The following GPHN variants were observed in gnomAD, a reference collection of about 807,000 sequenced individuals.
GPHN encodes gephyrin.
GPHN carries 17 observed loss-of-function variants against 95.5 expected under a neutral mutation model. The observed-to-expected ratio is 0.18, with a 90% CI of 0.12 to 0.27. The LOEUF is 0.27. GPHN is among the 10% of genes least tolerant of loss of function. GPHN has a pLI of 1.00. For synonymous variants in GPHN, 320 were observed against 322.5 expected, an observed-to-expected ratio of 0.99 and a Z score of 0.08; for missense variants, 660 against 978.1, an observed-to-expected ratio of 0.67 and a Z score of 4.34.
the GPHN span, among the ~76,000 whole-genome samples, chr14:67,686,844 C>G: frequency 2.0e-5 from 3 of 152,096 alleles, no homozygotes; most frequent in Non-Finnish European, 4.4e-5. Context: ...AAATGTTTTG[C>G]TGCCAAATGA....
At chr14:66,539,217 G>T (rs141431513) in intron 1 of GPHN, among the ~76,000 whole-genome samples, 1 of 151,306 alleles carries the variant, frequency 6.6e-6, no homozygotes, top group Non-Finnish European at 1.5e-5. Flanking sequence ...TTTGCGGTTT[G>T]TCCCCTGTTT....
intron 2 of GPHN, among the ~76,000 whole-genome samples, chr14:66,700,300 A>G (rs528190764): frequency 6.6e-6 from 1 of 152,310 alleles, no homozygotes; most frequent in South Asian, 2.1e-4. Context: ...AATTTAACGA[A>G]TATTTTATTT....
intron 17 of GPHN, among the ~76,000 whole-genome samples, chr14:67,134,625 A>C (rs1237306258): frequency 2.0e-5 from 3 of 152,214 alleles, no homozygotes; most frequent in Non-Finnish European, 4.4e-5. Flanking sequence ...GGAAGTCTGG[A>C]TGAAATGAGA....
chr14:66,768,100 A>G (rs1216748890), intron 2 of GPHN, among the ~76,000 whole-genome samples: 1 of 151,978 alleles, frequency 6.6e-6, no homozygotes. Context: ...AATCAAATTT[A>G]TGAGGAAGAT....
the GPHN span, among the ~76,000 whole-genome samples, chr14:67,461,859 T>C: frequency 6.6e-6 from 1 of 152,326 alleles, no homozygotes; most frequent in East Asian, 1.9e-4. Flanking sequence ...CATTTTGTTT[T>C]TATTTCTGAA....
chr14:67,301,549 A>G, the GPHN span: 1 of 856,692 alleles, frequency 1.2e-6, no homozygotes, highest in South Asian at 2.2e-5. Flanking sequence ...GTACTGGAAG[A>G]GATGTCAAAC....
At chr14:67,600,386 C>G in the GPHN span, 2 of 548,454 alleles carry the variant, frequency 3.6e-6, no homozygotes, top group South Asian at 2.4e-5. Flanking sequence ...TCTTCCGGGC[C>G]GGCCTTGACT....
At chr14:67,102,830 T>C (rs1173433214) in intron 13 of GPHN, among the ~76,000 whole-genome samples, 1 of 152,172 alleles carries the variant, frequency 6.6e-6, no homozygotes, top group Non-Finnish European at 1.5e-5. Context: ...ATGATGCCAA[T>C]GGTGTTGACA....
At chr14:67,705,770 G>A in the GPHN span, among the ~76,000 whole-genome samples, 1 of 152,234 alleles carries the variant, frequency 6.6e-6, no homozygotes, top group South Asian at 2.1e-4. Context: ...TTCAAAATAA[G>A]ATGTTTTAAA....
chr14:67,099,361 T>G (rs1210288287), intron 12 of GPHN, among the ~76,000 whole-genome samples: 1 of 152,054 alleles, frequency 6.6e-6, no homozygotes, highest in Non-Finnish European at 1.5e-5. Context: ...ACCTCAGGTA[T>G]CTGCCCGCCC....
intron 3 of GPHN, among the ~76,000 whole-genome samples, chr14:66,822,216 C>A (rs910939241): frequency 6.6e-6 from 1 of 152,220 alleles, no homozygotes; most frequent in African/African-American, 2.4e-5. Flanking sequence ...TCCCAAAGTG[C>A]TGGGATTACA....
the GPHN span, chr14:67,674,763 G>A: frequency 9.4e-6 from 3 of 320,842 alleles, no homozygotes; most frequent in Non-Finnish European, 1.7e-5. Context: ...GTGCCGCGCC[G>A]GGGCGATCGG....
At chr14:67,074,231 T>C (rs1263847217) in intron 11 of GPHN, among the ~76,000 whole-genome samples, 2 of 151,942 alleles carry the variant, frequency 1.3e-5, no homozygotes, top group African/African-American at 4.8e-5. Flanking sequence ...CAGTCCTACA[T>C]TGAGCAAGTC....
At chr14:67,420,526 A>G in the GPHN span, among the ~76,000 whole-genome samples, 1 of 152,184 alleles carries the variant, frequency 6.6e-6, no homozygotes, top group East Asian at 1.9e-4. Context: ...AAACTGCCCT[A>G]ATCAGAAATT....
At chr14:67,482,797 A>G in the GPHN span, among the ~76,000 whole-genome samples, 2 of 152,112 alleles carry the variant, frequency 1.3e-5, no homozygotes, top group Non-Finnish European at 2.9e-5. Context: ...CATGCTGCAG[A>G]CTTCCACCCT....
chr14:67,393,107 TC>T, the GPHN span: 6 of 1,401,050 alleles, frequency 4.3e-6, no homozygotes, highest in Non-Finnish European at 6.1e-6. Context: ...CATCACCATG[TC>T]CCAGCTTGAC....
the GPHN span, chr14:67,653,382 T>C: frequency 1.3e-6 from 2 of 1,531,316 alleles, no homozygotes; most frequent in African/African-American, 2.7e-5. Flanking sequence ...ATTTTAAGCT[T>C]TTTGGTTGAA....
At chr14:66,694,860 A>C (rs893966384) in intron 2 of GPHN, among the ~76,000 whole-genome samples, 1 of 152,204 alleles carries the variant, frequency 6.6e-6, no homozygotes, top group African/African-American at 2.4e-5. Flanking sequence ...CAGCAATAAG[A>C]AAATGAACAA....
chr14:67,359,839 G>T, the GPHN span: 2 of 900,446 alleles, frequency 2.2e-6, no homozygotes, highest in Non-Finnish European at 1.7e-6. Context: ...AGAGGCAGCA[G>T]GGACACCCAT....
Sources: allele counts gnomAD v4.1 joint callset (sites outside exome capture counted in the v4.1 genomes callset), GRCh38; gene constraint gnomAD v4.1.1; transcripts MANE v1.5; gene names NCBI Gene and HGNC (gene_info 2026-07-23, HGNC 2026-07-21).